Variants in EDAR observed in about 807,000 individuals in gnomAD.
EDAR encodes tumor necrosis factor receptor superfamily member EDAR.
Under a neutral mutation model 51.3 loss-of-function variants are expected in EDAR, and 38 were observed. The ratio of observed to expected loss-of-function variants is 0.74; its 90% CI spans 0.57 to 0.97. The LOEUF (loss-of-function observed/expected upper bound fraction) is 0.97. Among genes scored for constraint, EDAR ranks in the 50% least tolerant of loss-of-function variants. The probability of loss-of-function intolerance (pLI) is 0.00; values close to 1 mark genes in which losing one functional copy is unlikely to be tolerated. For missense variants in EDAR, 528 were observed against 595.0 expected (o/e 0.89, Z 1.17); for synonymous variants, 227 against 242.1 (o/e 0.94, Z 0.58).
chr2:108,915,367 C>T (rs1360573253), intron 5 of EDAR, among the ~76,000 whole-genome samples: 1 of 152,180 alleles, frequency 6.6e-6, no homozygotes, highest in African/African-American at 2.4e-5. Context: ...TCTCTGTCCT[C>T]ACACCTTGTA....
At chr2:108,935,027 C>T (rs758271818) in intron 1 of EDAR, among the ~76,000 whole-genome samples, 1 of 152,176 alleles carries the variant, frequency 6.6e-6, no homozygotes, top group Admixed American at 6.5e-5. Context: ...TGGAGTCAAG[C>T]GTCACCTGTT....
At chr2:108,960,102 T>A (rs1480194412) in intron 1 of EDAR, among the ~76,000 whole-genome samples, 1 of 152,198 alleles carries the variant, frequency 6.6e-6, no homozygotes, top group Non-Finnish European at 1.5e-5. Flanking sequence ...GCACACCCTG[T>A]GGCTGGGTCC....
intron 1 of EDAR, among the ~76,000 whole-genome samples, chr2:108,975,316 G>A (rs1440429877): frequency 2.0e-5 from 3 of 152,228 alleles, no homozygotes; most frequent in Non-Finnish European, 2.9e-5. Flanking sequence ...GTTCCCACCC[G>A]TGTCTTCTAT....
rs1342322952 is a variant in EDAR, at chr2:108,894,547, CAATT to C, written c.*2356_*2359del. ...CAGAATTAGACAAAAATAATATTGA[CAATT>C]AAGACTTCACTGTCTAAGGGCCACA... On this transcript the variant is annotated 3_prime_UTR_variant, in exon 12 of 12. Transcript: ENST00000258443. 6.6e-6 allele frequency: 1 copy of C among 152,406 alleles called. No individual in the cohort carries two copies. Among genetic ancestry groups the C allele is most frequent in the African/African-American group, 2.4e-5 (1 of 41,358 alleles). 9.4% of individuals were successfully genotyped at this position (152,406 alleles called of 1,614,324 possible).
intron 5 of EDAR, 80 bp downstream of exon 5, chr2:108,923,288 G>A (rs533786849): frequency 1.9e-5 from 26 of 1,378,962 alleles, no homozygotes; most frequent in Middle Eastern, 1.8e-4. Flanking sequence ...TGCCAGGACC[G>A]GCTCTTTCCT....
intron 1 of EDAR, among the ~76,000 whole-genome samples, chr2:108,959,151 A>C (rs1697987659): frequency 6.6e-6 from 1 of 152,106 alleles, no homozygotes; most frequent in Non-Finnish European, 1.5e-5. Flanking sequence ...TGACTAATGG[A>C]GTGTATATGG....
chr2:108,930,925 A>T, intron 2 of EDAR, 39 bp downstream of exon 2: 1 of 1,610,896 alleles, frequency 6.2e-7, no homozygotes. Flanking sequence ...CATCATGAGG[A>T]TGAGGGTGCT....
chr2:108,957,206 T>C (rs927612945), intron 1 of EDAR, among the ~76,000 whole-genome samples: 1 of 152,236 alleles, frequency 6.6e-6, no homozygotes, highest in Non-Finnish European at 1.5e-5. Context: ...GTTCCAGCCC[T>C]CACACTGCAT....
chr2:108,977,850 C>CT (rs1698351817), intron 1 of EDAR, among the ~76,000 whole-genome samples: 1 of 152,204 alleles, frequency 6.6e-6, no homozygotes, highest in Non-Finnish European at 1.5e-5. Flanking sequence ...GGTTCACACA[C>CT]TTTTTAAGCC....
chr2:108,914,089 C>T (rs895378411), intron 5 of EDAR, among the ~76,000 whole-genome samples: 4 of 151,726 alleles, frequency 2.6e-5, no homozygotes, highest in Non-Finnish European at 5.9e-5. Flanking sequence ...GGTGAAACCG[C>T]ATCTCTACTG....
chr2:108,901,269 A>T (rs1337333019), intron 11 of EDAR, among the ~76,000 whole-genome samples: 1 of 152,226 alleles, frequency 6.6e-6, no homozygotes, highest in Non-Finnish European at 1.5e-5. Context: ...CTCAAAGACA[A>T]TTTAAAAATG....
chr2:108,938,634 A>G (rs1697523225), intron 1 of EDAR, among the ~76,000 whole-genome samples: 1 of 152,152 alleles, frequency 6.6e-6, no homozygotes, highest in Non-Finnish European at 1.5e-5. Context: ...ATCTTGTCGA[A>G]CTGACAAGCT....
At chr2:108,958,294 G>A (rs1423263867) in intron 1 of EDAR, among the ~76,000 whole-genome samples, 2 of 152,122 alleles carry the variant, frequency 1.3e-5, no homozygotes, top group Non-Finnish European at 2.9e-5. Flanking sequence ...CAAATCAACC[G>A]CAGACTGGCT....
rs541181694 is a variant in EDAR, at chr2:108,958,443, C to A, written c.-18-27411G>T. Among the ~76,000 whole-genome samples the A allele has an allele frequency of 1.2e-3, 186 of 152,004 alleles. 1 individual carries two copies. Among genetic ancestry groups the A allele is most frequent in the African/African-American group, 4.3e-3 (180 of 41,478 alleles). ...AACAAAAAACAAAAAACAAAAAAAA[C>A]CCCAGGGCAGTGCCTTCCAGGAGCT... On this transcript the variant is annotated intron_variant, in intron 1 of 11. Transcript: ENST00000258443.
rs1696545257 is a variant in EDAR at position 108,894,620 on chromosome 2, A to AATT, written c.*2284_*2286dup. 1 of 152,674 alleles carries AATT rather than the reference A, an allele frequency of 6.5e-6. No individual in the cohort carries two copies. Among genetic ancestry groups the AATT allele is most frequent in the Admixed American group, 6.5e-5 (1 of 15,286 alleles). 9.5% of individuals were successfully genotyped at this position (152,674 alleles called of 1,614,324 possible). On this transcript the variant is annotated 3_prime_UTR_variant, in exon 12 of 12. Transcript: ENST00000258443. ...TTCTAAATGTTTTAAAGTATTGCAG[A>AATT]ATTATGAATATCTCCACACAAAAAT...
intron 9 of EDAR, among the ~76,000 whole-genome samples, chr2:108,909,978 T>A (rs1041306076): frequency 6.6e-6 from 1 of 152,232 alleles, no homozygotes; most frequent in Non-Finnish European, 1.5e-5. Context: ...GCTCCTGGGC[T>A]GTGGAGGGAG....
intron 11 of EDAR, among the ~76,000 whole-genome samples, chr2:108,904,624 C>T (rs905108668): frequency 1.3e-5 from 2 of 152,336 alleles, no homozygotes; most frequent in East Asian, 3.9e-4. Flanking sequence ...CAGACTACTA[C>T]TCAGCAAGAG....
chr2:108,930,222 G>A lies in EDAR; in HGVS notation c.72C>T (p.Ala24=). ...CACCGCAGTTTGAGTATTCCGCTCGGGCTGAGCACATCAGAGACACCTGCC... is the reference window on the plus strand; with the variant it reads ...CACCGCAGTTTGAGTATTCCGCTCGAGCTGAGCACATCAGAGACACCTGCC... ...PVLVVSLMCS[A]RAEYSNCGEN... The change falls in exon 3 of 12, where the codon GCC becomes GCT. Residue 24 remains alanine, a synonymous_variant. Coordinates refer to ENST00000258443, the MANE Select transcript of EDAR (RefSeq NM_022336.4). The A allele has an allele frequency of 6.2e-7, 1 of 1,614,116 alleles. No homozygotes were observed. Among genetic ancestry groups the A allele is most frequent in the Non-Finnish European group, 8.5e-7 (1 of 1,180,020 alleles).
At chr2:108,900,740 T>C (rs184882594) in intron 11 of EDAR, among the ~76,000 whole-genome samples, 2 of 152,182 alleles carry the variant, frequency 1.3e-5, no homozygotes, top group Non-Finnish European at 2.9e-5. Context: ...CAAACTTCAA[T>C]AACAAGAAGG....
Sources: allele counts gnomAD v4.1 joint callset (sites outside exome capture counted in the v4.1 genomes callset), GRCh38; gene constraint gnomAD v4.1.1; transcripts MANE v1.5; gene names NCBI Gene and HGNC (gene_info 2026-07-23, HGNC 2026-07-21).